The following CYBA variants were observed in gnomAD, a reference collection of about 807,000 sequenced individuals.
CYBA encodes the protein cytochrome b-245 alpha chain.
A neutral mutation model predicts 20.8 loss-of-function variants in CYBA; 21 were observed. The ratio of observed to expected loss-of-function variants is 1.01; its 90% CI spans 0.72 to 1.46. The LOEUF is 1.46. Ranked by LOEUF, CYBA falls within the 40% of genes most tolerant of loss-of-function variation. CYBA has a pLI of 0.00. For missense variants in CYBA, 344 were observed against 287.0 expected (o/e 1.20, Z -1.43); for synonymous variants, 164 against 127.5 (o/e 1.29, Z -1.93).
Position 88,646,203 on chromosome 16 carries a change from G to T in CYBA, c.288-6C>A. On this transcript the variant is annotated splice_polypyrimidine_tract_variant and splice_region_variant and intron_variant, in intron 4 of 5. Transcript: ENST00000261623. ...AGCCGGCGGGCACCGAGAGCCTGGG[G>T]GACAGCGGGTGAGAGGCAGGGACAC... The T allele has an allele frequency of 6.5e-7, 1 of 1,549,368 alleles. No individual in the cohort carries two copies. The highest frequency in any genetic ancestry group is 8.7e-7 in the Non-Finnish European group (1 of 1,150,394).
chr16:88,645,400 G>A, intron 5 of CYBA: 1 of 702,444 alleles, frequency 1.4e-6, no homozygotes, highest in Non-Finnish European at 2.6e-6. Flanking sequence ...GGGGAGGGCA[G>A]TTGCCTCTGC....
chr16:88,650,722 G>A (rs1279034726), intron 1 of CYBA: 2 of 612,566 alleles, frequency 3.3e-6, no homozygotes, highest in Non-Finnish European at 5.9e-6. Context: ...TGGGGGAGGG[G>A]CGCCGCGCTC....
In CYBA at chr16:88,643,358, C is replaced by T. The variant is rs778671805; in HGVS notation, c.583G>A (p.Val195Met). ...AGGGCAGGTCCGGGGCGAGGTCACA[C>T]GACCTCGTCGGTCACCGGGATGGGG... ...VNPIPVTDEV[V>M] Residue 195 changes from valine (V) to methionine (M), a missense_variant, in exon 6 of 6, where the codon GTG becomes ATG. Transcript: ENST00000261623. This position sits in a 1 kb window ranked among gnomAD's most constrained non-coding sequence, Gnocchi z 4.3. 2.4e-5 allele frequency: 37 copies of T among 1,522,886 alleles called. No individual in the cohort carries two copies. The highest frequency in any genetic ancestry group is 1.3e-4 in the East Asian group (5 of 39,098). 94.3% of individuals were successfully genotyped at this position (1,522,886 alleles called of 1,614,324 possible).
intron 1 of CYBA, among the ~76,000 whole-genome samples, chr16:88,648,934 TTTC>T (rs1907395467): frequency 7.3e-6 from 1 of 137,242 alleles, no homozygotes; most frequent in African/African-American, 2.7e-5. Context: ...TACTATTTTA[TTTC>T]TTTTTTTTTT....
At chr16:88,647,858 A>G in intron 2 of CYBA, 187 bp downstream of exon 2, 1 of 648,636 alleles carries the variant, frequency 1.5e-6, no homozygotes, top group Non-Finnish European at 2.8e-6. Context: ...TCTGCCGCTG[A>G]TCGCCACATG....
chr16:88,647,155 C>T lies in CYBA; in HGVS notation c.149G>A (p.Cys50Tyr). ...CTTCCCCCGGGGGTACTCCAGCAGG[C>T]ACACAAACACGCCCGCCACACTGAA... ...AYSIVAGVFV[C>Y]LLEYPRGKRK... Residue 50 changes from cysteine (C) to tyrosine (Y), a missense_variant, in exon 3 of 6, where the codon TGC (cysteine) becomes TAC (tyrosine). Coordinates refer to ENST00000261623, the MANE Select transcript of CYBA (RefSeq NM_000101.4). The T allele has an allele frequency of 6.2e-7, 1 of 1,610,100 alleles. No homozygotes were observed. Among genetic ancestry groups the T allele is most frequent in the Non-Finnish European group, 8.5e-7 (1 of 1,179,424 alleles).
At chr16:88,645,711 G>A (rs574577147) in intron 5 of CYBA, 12 of 550,932 alleles carry the variant, frequency 2.2e-5, no homozygotes, top group Admixed American at 1.2e-4. Context: ...TCCTGGCACC[G>A]CCCATGAATC....
At chr16:88,647,872 C>T in intron 2 of CYBA, 173 bp downstream of exon 2, 1 of 673,396 alleles carries the variant, frequency 1.5e-6, no homozygotes, top group East Asian at 2.7e-5. Flanking sequence ...CCACATGGTC[C>T]TGGCGAGGGG....
At chr16:88,647,744 C>T (rs368629137) in intron 2 of CYBA, 11 of 507,178 alleles carry the variant, frequency 2.2e-5, no homozygotes, top group South Asian at 1.0e-4. Context: ...CTGACAGGAG[C>T]GGGCAGAGGG....
At chr16:88,645,726 C>T (rs1907252852) in intron 5 of CYBA, 5 of 541,336 alleles carry the variant, frequency 9.2e-6, no homozygotes, top group African/African-American at 3.8e-5. Flanking sequence ...TGAATCAGCG[C>T]GAATAGGGTT....
chr16:88,647,230 C>T, intron 2 of CYBA, 55 bp from the exon 3 acceptor site: 3 of 1,542,910 alleles, frequency 1.9e-6, no homozygotes, highest in African/African-American at 2.7e-5. Flanking sequence ...CCACAGGGAA[C>T]TCCCTTTACT....
chr16:88,646,105 G>A lies in CYBA; in HGVS notation c.369+11C>T, dbSNP rs553349185. 2 of 1,547,736 alleles carry A rather than the reference G, an allele frequency of 1.3e-6. No individual in the cohort carries two copies. Among genetic ancestry groups the A allele is most frequent in the Admixed American group, 3.9e-5 (2 of 51,266 alleles). ...GGGTGGCCGGGGCCGACCTCAGAGGGCGCCACTCACCAGTAGGTAGATGCC... is the reference window on the plus strand; with the variant it reads ...GGGTGGCCGGGGCCGACCTCAGAGGACGCCACTCACCAGTAGGTAGATGCC... On this transcript the variant is annotated intron_variant, in intron 5 of 5. Transcript: ENST00000261623.
chr16:88,646,750 C>G lies in CYBA; in HGVS notation c.287+5G>C, dbSNP rs774198897. ...CCCTAGAGGGGGTGCGGGACGGGGA[C>G]TCACAGGAGATGCAGGACGGCCCGA... is the stretch of plus-strand genomic sequence containing the variant. On this transcript the variant is annotated splice_donor_5th_base_variant and intron_variant, in intron 4 of 5. Transcript: ENST00000261623. The G allele has an allele frequency of 6.2e-7, 1 of 1,612,776 alleles. No homozygotes were observed. The highest frequency in any genetic ancestry group is 8.5e-7 in the Non-Finnish European group (1 of 1,179,006).
At chr16:88,645,902 G>A (rs1309128263) in intron 5 of CYBA, 5 of 594,452 alleles carry the variant, frequency 8.4e-6, no homozygotes, top group South Asian at 2.0e-5. Context: ...ATGAGGAAAT[G>A]CAAGGAAATG....
chr16:88,647,603 A>G, intron 2 of CYBA: 1 of 365,288 alleles, frequency 2.7e-6, no homozygotes, highest in Non-Finnish European at 5.3e-6. Context: ...AGGTTCCAAC[A>G]GGTCTGGCAC....
intron 3 of CYBA, 25 bp from the exon 4 acceptor site, chr16:88,646,863 G>C (rs575341053): frequency 6.3e-7 from 1 of 1,582,954 alleles, no homozygotes; most frequent in East Asian, 2.2e-5. Flanking sequence ...AAGGCGAGAC[G>C]GCGCGGCTGG....
Position 88,648,092 on chromosome 16 carries a change from C to T in CYBA, c.81G>A (p.Val27=). The change falls in exon 2 of 6, where the codon GTG becomes GTA. Residue 27 remains valine, a synonymous_variant. Coordinates refer to ENST00000261623, the MANE Select transcript of CYBA (RefSeq NM_000101.4). ...SGLILITGGI[V]ATAGRFTQWY... ...ACTGGGTGAAGCGCCCAGCTGTGGCCACGATGCCCCCGGTGATGAGGACTG... is the reference window on the plus strand; with the variant it reads ...ACTGGGTGAAGCGCCCAGCTGTGGCTACGATGCCCCCGGTGATGAGGACTG... 6.2e-7 allele frequency: 1 copy of T among 1,612,930 alleles called. No individual in the cohort carries two copies. The highest frequency in any genetic ancestry group is 8.5e-7 in the Non-Finnish European group (1 of 1,179,796).
chr16:88,647,343 A>AC (rs1439164251), intron 2 of CYBA, among the ~76,000 whole-genome samples, 168 bp from the exon 3 acceptor site: 1 of 152,166 alleles, frequency 6.6e-6, no homozygotes, highest in African/African-American at 2.4e-5. Context: ...GGAGTTTGAG[A>AC]CCAGCCTGGG....
At chr16:88,645,167 T>G (rs1467649881) in intron 5 of CYBA, 1 of 702,000 alleles carries the variant, frequency 1.4e-6, no homozygotes, top group East Asian at 2.7e-5. Flanking sequence ...CAGGAGCCAC[T>G]AGCTGTGCGT....
Sources: gnomAD v4.1 joint callset for allele counts (sites outside exome capture counted in the v4.1 genomes callset) on GRCh38, gnomAD v4.1.1 for gene constraint, Gnocchi (gnomAD v3.1) non-coding constraint, MANE v1.5 for transcripts, NCBI Gene and HGNC (gene_info 2026-07-23, HGNC 2026-07-21) for gene names.